Variants in SEMA5A observed in about 807,000 individuals in gnomAD.
SEMA5A encodes semaphorin-5A.
Under a neutral mutation model 135.5 loss-of-function variants are expected in SEMA5A, and 55 were observed. The ratio of observed to expected loss-of-function variants is 0.41; its 90% CI spans 0.33 to 0.51. The LOEUF is 0.51. Among genes scored for constraint, SEMA5A ranks in the 20% least tolerant of loss-of-function variants. The probability of loss-of-function intolerance (pLI) is 0.37; values close to 1 mark genes in which losing one functional copy is unlikely to be tolerated. For synonymous variants in SEMA5A, 580 were observed against 546.5 expected (o/e 1.06, Z -0.85); for missense variants, 1,290 against 1,419.9 (o/e 0.91, Z 1.47).
intron 2 of SEMA5A, among the ~76,000 whole-genome samples, chr5:9,428,130 A>G (rs202088119): frequency 8.7e-6 from 1 of 114,872 alleles, no homozygotes; most frequent in Non-Finnish European, 1.7e-5. Context: ...AACTCTATCT[A>G]TCTATCTATC....
At chr5:9,483,746 A>G (rs979460093) in intron 1 of SEMA5A, among the ~76,000 whole-genome samples, 6 of 152,246 alleles carry the variant, frequency 3.9e-5, no homozygotes, top group Admixed American at 3.3e-4. Context: ...TACAGAAGAA[A>G]AAAGTAATTT....
chr5:9,328,678 A>T (rs2150695912), intron 4 of SEMA5A, among the ~76,000 whole-genome samples: 1 of 152,294 alleles, frequency 6.6e-6, no homozygotes, highest in Non-Finnish European at 1.5e-5. Flanking sequence ...CGGGAGGCTG[A>T]GGCAGGAGAA....
intron 2 of SEMA5A, among the ~76,000 whole-genome samples, chr5:9,434,274 TTA>T (rs1450354058): frequency 6.6e-6 from 1 of 152,314 alleles, no homozygotes; most frequent in African/African-American, 2.4e-5. Context: ...ATGTCTAGTA[TTA>T]TCTCAACTCT....
chr5:9,185,564 T>C (rs900764604), intron 11 of SEMA5A, among the ~76,000 whole-genome samples: 12 of 152,180 alleles, frequency 7.9e-5, no homozygotes, highest in African/African-American at 2.9e-4. Flanking sequence ...TTATAAAATA[T>C]AACACAAAAA....
intron 14 of SEMA5A, among the ~76,000 whole-genome samples, chr5:9,121,784 G>A (rs770228384): frequency 1.2e-4 from 19 of 152,136 alleles, no homozygotes; most frequent in Non-Finnish European, 2.4e-4. Context: ...GGGCAAAGTC[G>A]GCCTTTTGCT....
intron 13 of SEMA5A, among the ~76,000 whole-genome samples, chr5:9,130,669 G>A (rs902087185): frequency 1.1e-4 from 17 of 152,178 alleles, no homozygotes; most frequent in African/African-American, 3.9e-4. Flanking sequence ...CTGAGCACAC[G>A]TTCCAGACAT....
intron 5 of SEMA5A, among the ~76,000 whole-genome samples, chr5:9,275,991 T>G (rs1750241389): frequency 6.6e-6 from 1 of 152,322 alleles, no homozygotes; most frequent in African/African-American, 2.4e-5. Flanking sequence ...AAATAAAGGT[T>G]ATTCAATTAG....
At chr5:9,090,100 C>A (rs1738949410) in intron 16 of SEMA5A, among the ~76,000 whole-genome samples, 1 of 152,126 alleles carries the variant, frequency 6.6e-6, no homozygotes, top group Non-Finnish European at 1.5e-5. Flanking sequence ...GTACACTGCA[C>A]AAAAGGAGCT....
intron 11 of SEMA5A, among the ~76,000 whole-genome samples, chr5:9,187,260 A>T (rs1442440405): frequency 6.6e-6 from 1 of 152,200 alleles, no homozygotes; most frequent in Non-Finnish European, 1.5e-5. Context: ...AAAATCTGAA[A>T]AAAAGACTAT....
At chr5:9,534,748 G>A (rs1048494673) in intron 1 of SEMA5A, among the ~76,000 whole-genome samples, 1 of 152,218 alleles carries the variant, frequency 6.6e-6, no homozygotes, top group African/African-American at 2.4e-5. Context: ...GCAGCATGGG[G>A]CGGGGGTTGT....
At chr5:9,353,222 AAAGGAAAGGAAAGGAAGGAAAGGG>A (rs1201010357) in intron 3 of SEMA5A, among the ~76,000 whole-genome samples, 4 of 142,938 alleles carry the variant, frequency 2.8e-5, no homozygotes, top group Admixed American at 1.4e-4. Context: ...AAAGGAAAGG[AAAGGAAAGGAAAGGAAGGAAAGGG>A]AAGGGAAGGG....
intron 6 of SEMA5A, among the ~76,000 whole-genome samples, chr5:9,228,612 A>C (rs1212491305): frequency 6.6e-6 from 1 of 152,242 alleles, no homozygotes; most frequent in Admixed American, 6.5e-5. Flanking sequence ...GGATAAGCTG[A>C]AGAGAGAAGC....
intron 1 of SEMA5A, among the ~76,000 whole-genome samples, chr5:9,486,982 C>A (rs1280815244): frequency 6.7e-6 from 1 of 150,232 alleles, no homozygotes; most frequent in Non-Finnish European, 1.5e-5. Flanking sequence ...TCTAGATATG[C>A]AAAAATTCAT....
At chr5:9,421,750 C>G (rs1207662246) in intron 2 of SEMA5A, among the ~76,000 whole-genome samples, 1 of 152,104 alleles carries the variant, frequency 6.6e-6, no homozygotes, top group Non-Finnish European at 1.5e-5. Flanking sequence ...TTGAATTATC[C>G]TAAGAGCAAT....
intron 16 of SEMA5A, among the ~76,000 whole-genome samples, chr5:9,077,963 C>T (rs1463449248): frequency 6.6e-6 from 1 of 152,164 alleles, no homozygotes; most frequent in Admixed American, 6.5e-5. Flanking sequence ...TTTATAACAG[C>T]CTAAAGCTCA....
chr5:9,130,769 C>G (rs1560945163), intron 13 of SEMA5A, among the ~76,000 whole-genome samples: 1 of 152,198 alleles, frequency 6.6e-6, no homozygotes, highest in African/African-American at 2.4e-5. Context: ...CTCTAAGCAT[C>G]ATCTGTTGGT....
intron 1 of SEMA5A, among the ~76,000 whole-genome samples, chr5:9,496,074 ACTGT>A (rs1346310879): frequency 1.3e-5 from 2 of 152,114 alleles, no homozygotes; most frequent in Non-Finnish European, 2.9e-5. Flanking sequence ...GAGGAATCTC[ACTGT>A]CTGTCACCCA....
At chr5:9,134,603 G>A (rs1741626799) in intron 13 of SEMA5A, among the ~76,000 whole-genome samples, 1 of 152,208 alleles carries the variant, frequency 6.6e-6, no homozygotes, top group African/African-American at 2.4e-5. Flanking sequence ...GGGACAAGCT[G>A]CCTGCTGGGA....
At chr5:9,472,247 GTTTTGCTTTGCC>G in intron 1 of SEMA5A, among the ~76,000 whole-genome samples, 1 of 152,286 alleles carries the variant, frequency 6.6e-6, no homozygotes, top group South Asian at 2.1e-4. Context: ...GCAGTGTGAG[GTTTTGCTTTGCC>G]TTTGGTTTTT....
Sources: gnomAD v4.1 joint callset for allele counts (sites outside exome capture counted in the v4.1 genomes callset) on GRCh38, gnomAD v4.1.1 for gene constraint, MANE v1.5 for transcripts, NCBI Gene and HGNC (gene_info 2026-07-23, HGNC 2026-07-21) for gene names.